Variants in SEL1L3 observed in about 807,000 individuals in gnomAD.
SEL1L3 encodes the protein SEL1L family member 3.
In SEL1L3, 76 loss-of-function variants were observed where a neutral mutation model predicts 142.8. The ratio of observed to expected loss-of-function variants is 0.53; its 90% CI spans 0.44 to 0.64. The LOEUF (loss-of-function observed/expected upper bound fraction) is 0.64. Ranked by LOEUF, SEL1L3 falls within the 30% of genes least tolerant of loss-of-function variation. The probability of loss-of-function intolerance (pLI) is 0.00; values close to 1 mark genes in which losing one functional copy is unlikely to be tolerated. For missense variants in SEL1L3, 1,262 were observed against 1,381.7 expected (o/e 0.91, Z 1.37); for synonymous variants, 504 against 519.6 (o/e 0.97, Z 0.41).
At chr4:25,847,254 A>G in intron 2 of SEL1L3, 40 bp downstream of exon 2, 1 of 1,527,420 alleles carries the variant, frequency 6.5e-7, no homozygotes, top group Non-Finnish European at 8.9e-7. Context: ...GGCTATCTGA[A>G]AAAATGAGAA....
chr4:25,832,986 TAC>T lies in SEL1L3; in HGVS notation c.1098+7_1098+8del. The T allele has an allele frequency of 6.7e-7, 1 of 1,488,260 alleles. No individual in the cohort carries two copies. Among genetic ancestry groups the T allele is most frequent in the Non-Finnish European group, 9.4e-7 (1 of 1,065,344 alleles). The allele number at this position is 1,488,260 out of a possible 1,614,324, so 92.2% of individuals were successfully genotyped here. ...CGTATGTCGTGTGATGAAGCGTGCA[TAC>T]AGATACCTGGCCTCCGTTAAAAGAG... On this transcript the variant is annotated splice_region_variant and intron_variant, in intron 5 of 23. Transcript: ENST00000399878.
intron 8 of SEL1L3, among the ~76,000 whole-genome samples, chr4:25,819,305 G>A (rs1439312608): frequency 6.6e-6 from 1 of 151,888 alleles, no homozygotes; most frequent in African/African-American, 2.4e-5. Context: ...AAAAATTACC[G>A]ATGTCTTCGA....
chr4:25,855,154 A>C (rs1396849162), intron 1 of SEL1L3, among the ~76,000 whole-genome samples: 1 of 152,246 alleles, frequency 6.6e-6, no homozygotes, highest in African/African-American at 2.4e-5. Flanking sequence ...GATTAGCAAC[A>C]CATCACACTC....
At chr4:25,734,313 T>G in the SEL1L3 span, among the ~76,000 whole-genome samples, 1 of 152,180 alleles carries the variant, frequency 6.6e-6, no homozygotes, top group Non-Finnish European at 1.5e-5. Flanking sequence ...CCCAAAGTGC[T>G]GGAATTACAG....
chr4:25,854,090 CT>C (rs1303346417), intron 1 of SEL1L3, among the ~76,000 whole-genome samples: 1 of 152,010 alleles, frequency 6.6e-6, no homozygotes, highest in African/African-American at 2.4e-5. Flanking sequence ...GGTCAGCTGA[CT>C]TTCTTGGGAA....
At chr4:25,793,476 G>A (rs1289972873) in intron 11 of SEL1L3, among the ~76,000 whole-genome samples, 12 of 152,034 alleles carry the variant, frequency 7.9e-5, no homozygotes, top group African/African-American at 2.4e-4. Flanking sequence ...TGTAGAGACA[G>A]GGTTTCTCCA....
chr4:25,732,901 A>T, the SEL1L3 span, among the ~76,000 whole-genome samples: 18 of 152,090 alleles, frequency 1.2e-4, no homozygotes, highest in African/African-American at 4.3e-4. Context: ...GCACACCACC[A>T]AGCCAGGCTA....
At chr4:25,836,858 T>C (rs1040694829) in intron 2 of SEL1L3, among the ~76,000 whole-genome samples, 17 of 152,100 alleles carry the variant, frequency 1.1e-4, no homozygotes, top group African/African-American at 4.1e-4. Flanking sequence ...CCAAAGGAAA[T>C]AAAAAGTTTT....
intron 11 of SEL1L3, among the ~76,000 whole-genome samples, chr4:25,800,507 T>C (rs1390941235): frequency 6.6e-6 from 1 of 152,218 alleles, no homozygotes; most frequent in Non-Finnish European, 1.5e-5. Context: ...AAGGAGCTTG[T>C]TAGCAACATA....
downstream of SEL1L3, among the ~76,000 whole-genome samples, chr4:25,744,619 G>A (rs1717207659): frequency 6.6e-6 from 1 of 152,198 alleles, no homozygotes; most frequent in Non-Finnish European, 1.5e-5. Flanking sequence ...CTCCGAAAGT[G>A]CTGGGATTAC....
At chr4:25,785,441 T>C (rs1348268320) in intron 13 of SEL1L3, among the ~76,000 whole-genome samples, 1 of 152,214 alleles carries the variant, frequency 6.6e-6, no homozygotes, top group African/African-American at 2.4e-5. Context: ...TCTATTTTCT[T>C]CTGCCTATTT....
Position 25,830,102 on chromosome 4 carries a change from T to G in SEL1L3, c.1153A>C (p.Ile385Leu). The G allele has an allele frequency of 5.0e-6, 8 of 1,607,232 alleles. No homozygotes were observed. The highest frequency in any genetic ancestry group is 6.8e-6 in the Non-Finnish European group (8 of 1,173,972). ...AAAAAGAAAAATCGCACTTACCTAA[T>G]GGTCTGATTGTGGTAGCTTTTCAAA... ...QDLKSYHNQT[I>L]SFREDFHYND... Residue 385 changes from isoleucine to leucine, a missense_variant, in exon 6 of 24, where the codon ATT becomes CTT. Ile to Leu is a conservative substitution (Grantham distance 5, BLOSUM62 2). This residue lies in a region of SEL1L3 where 689 missense variants were observed against 692.8 expected (regional missense o/e 0.99). Transcript: ENST00000399878.
In SEL1L3 at chr4:25,748,351, G is replaced by A. The variant is rs1717372377; in HGVS notation, c.*74C>T. 1 of 1,447,596 alleles carries A rather than the reference G, an allele frequency of 6.9e-7. No homozygotes were observed. 89.7% of individuals were successfully genotyped at this position (1,447,596 alleles called of 1,614,324 possible). A position where few individuals can be genotyped will look rare whatever the true frequency, so the allele number is the denominator to read the frequency against. On this transcript the variant is annotated 3_prime_UTR_variant, in exon 24 of 24. Transcript: ENST00000399878. ...CATTTAAGGTGTTTATCAGGATCAT[G>A]CCCTGGCCCCAGCTTCCCAATACCA... is the stretch of plus-strand genomic sequence containing the variant.
rs1717942566 is a variant in SEL1L3 at position 25,756,148 on chromosome 4, C to T, written c.3259+1386G>A. The stretch of plus-strand genomic sequence containing the variant: ...ATCTGCTACAGAAATAACAGCTACG[C>T]AAATGCTCCAATGCCATGTCCAGTC... On this transcript the variant is annotated intron_variant, in intron 23 of 23. Transcript: ENST00000399878. 5 of 985,324 alleles carry T rather than the reference C, an allele frequency of 5.1e-6. No homozygotes were observed. The South Asian group carries it at 2.3e-4, about 46-fold the overall frequency. 61.0% of individuals were successfully genotyped at this position (985,324 alleles called of 1,614,324 possible). A position where few individuals can be genotyped will look rare whatever the true frequency, so the allele number is the denominator to read the frequency against.
At chr4:25,739,313 T>C in the SEL1L3 span, among the ~76,000 whole-genome samples, 6 of 152,180 alleles carry the variant, frequency 3.9e-5, no homozygotes, top group Non-Finnish European at 7.3e-5. Flanking sequence ...AGAGAGGCCA[T>C]AGAGATGTTG....
At chr4:25,779,737 A>G (rs1016462559) in intron 15 of SEL1L3, among the ~76,000 whole-genome samples, 1 of 152,244 alleles carries the variant, frequency 6.6e-6, no homozygotes, top group Non-Finnish European at 1.5e-5. Context: ...GAGGGAAAAA[A>G]TAAGACAAAC....
At chr4:25,762,973 T>C (rs1577566856) in intron 20 of SEL1L3, among the ~76,000 whole-genome samples, 1 of 106,130 alleles carries the variant, frequency 9.4e-6, no homozygotes, top group African/African-American at 3.4e-5. Flanking sequence ...AGACTCTGTG[T>C]CAAAAAAAAA....
the SEL1L3 span, among the ~76,000 whole-genome samples, chr4:25,730,707 C>T: frequency 6.6e-6 from 1 of 152,082 alleles, no homozygotes; most frequent in Non-Finnish European, 1.5e-5. Context: ...TCTCACAGGC[C>T]CCACTTCCGG....
intron 3 of SEL1L3, among the ~76,000 whole-genome samples, chr4:25,834,891 G>A (rs889015394): frequency 1.3e-5 from 2 of 152,212 alleles, no homozygotes; most frequent in Non-Finnish European, 2.9e-5. Flanking sequence ...GCTGCAATGT[G>A]TGCTGGCTTT....
Sources: gnomAD v4.1 joint callset for allele counts (sites outside exome capture counted in the v4.1 genomes callset) on GRCh38, gnomAD v4.1.1 for gene constraint, gnomAD v4.1.1 regional missense constraint, MANE v1.5 for transcripts, NCBI Gene and HGNC (gene_info 2026-07-23, HGNC 2026-07-21) for gene names.